The following USP54 variants were observed in gnomAD, a reference collection of about 807,000 sequenced individuals.
USP54 encodes the protein ubiquitin carboxyl-terminal hydrolase 54.
Under a neutral mutation model 170.5 loss-of-function variants are expected in USP54, and 87 were observed. That is an observed-to-expected ratio of 0.51 (90% CI 0.43 to 0.61). The LOEUF (loss-of-function observed/expected upper bound fraction) is 0.61, where lower values mean the gene tolerates loss of function less well. USP54 is among the 20% of genes least tolerant of loss of function. The pLI is 0.00. For synonymous variants in USP54, 655 were observed against 742.8 expected, an observed-to-expected ratio of 0.88 and a Z score of 1.92; for missense variants, 1,786 against 2,047.8, an observed-to-expected ratio of 0.87 and a Z score of 2.47.
chr10:73,498,616 A>C lies in USP54; in HGVS notation c.*13T>G. 1.3e-6 allele frequency: 2 copies of C among 1,512,492 alleles called. No homozygotes were observed. The highest frequency in any genetic ancestry group is 1.8e-6 in the Non-Finnish European group (2 of 1,129,516). 93.7% of individuals were successfully genotyped at this position (1,512,492 alleles called of 1,614,324 possible). A position where few individuals can be genotyped will look rare whatever the true frequency, so the allele number is the denominator to read the frequency against. The stretch of plus-strand genomic sequence containing the variant: ...AAGAAAGGTGTAGCTCCAGGAAAGG[A>C]AAGGAATAACCTTTACCATTGACTG... On this transcript the variant is annotated 3_prime_UTR_variant, in exon 24 of 24. Coordinates refer to ENST00000687698, the MANE Select transcript of USP54 (RefSeq NM_001391956.1).
chr10:73,516,347 T>G, intron 20 of USP54, 28 bp downstream of exon 20: 11 of 1,517,304 alleles, frequency 7.2e-6, no homozygotes, highest in African/African-American at 1.4e-5. Context: ...TCCTCCCCCC[T>G]CCCCCCAACC....
intron 4 of USP54, among the ~76,000 whole-genome samples, chr10:73,547,240 A>G (rs2068040206): frequency 6.6e-6 from 1 of 152,130 alleles, no homozygotes; most frequent in Non-Finnish European, 1.5e-5. Context: ...CGTCTCTACT[A>G]AAAATACAAA....
rs1458879640 is a variant in USP54 at position 73,571,453 on chromosome 10, T to C, written c.208A>G (p.Met70Val). The change falls in exon 4 of 24, where the codon ATG becomes GTG. Residue 70 changes from methionine (M) to valine (V), a missense_variant. This residue lies in a region of USP54 where 361 missense variants were observed against 455.0 expected (regional missense o/e 0.79). Transcript: ENST00000687698. Reference sequence around the variant, plus strand: ...GCGCAAAAGATGCAGGAATCTCCCATGCACTTGTGAGTTGTAAGCTGCCTA... The same window carrying C: ...GCGCAAAAGATGCAGGAATCTCCCACGCACTTGTGAGTTGTAAGCTGCCTA... ...SFRQLTTHKC[M>V]GDSCIFCALK... The C allele has an allele frequency of 6.8e-6, 11 of 1,613,918 alleles. No individual in the cohort carries two copies. Among genetic ancestry groups the C allele is most frequent in the East Asian group, 2.2e-5 (1 of 44,880 alleles).
chr10:73,600,270 C>T (rs1474384966), intron 1 of USP54, among the ~76,000 whole-genome samples: 1 of 152,056 alleles, frequency 6.6e-6, no homozygotes, highest in Non-Finnish European at 1.5e-5. Context: ...AAAATTTTCT[C>T]TGCTAAAAAT....
chr10:73,607,897 G>C (rs1422790070), intron 1 of USP54, among the ~76,000 whole-genome samples: 1 of 151,590 alleles, frequency 6.6e-6, no homozygotes, highest in East Asian at 1.9e-4. Flanking sequence ...TAATTGAGTA[G>C]TAAGGATTAA....
At chr10:73,504,627 C>T (rs1398691967) in intron 22 of USP54, 6 of 603,446 alleles carry the variant, frequency 9.9e-6, no homozygotes, top group African/African-American at 3.7e-5. Flanking sequence ...AACCCTACAA[C>T]ACGCACGGCC....
chr10:73,533,543 C>A lies in USP54; in HGVS notation c.1315+1057G>T, dbSNP rs1304799617. On this transcript the variant is annotated intron_variant, in intron 12 of 23. Coordinates refer to ENST00000687698, the MANE Select transcript of USP54 (RefSeq NM_001391956.1). The stretch of plus-strand genomic sequence containing the variant: ...TACAGTTTTGAATATCTTTGAAATT[C>A]TTGATATTTAAAAAAAAAAAAAGCC... Among the ~76,000 whole-genome samples, 3 of 149,512 alleles carry A rather than the reference C, an allele frequency of 2.0e-5. No homozygotes were observed. The Admixed American group carries it at 2.0e-4, about 10-fold the overall frequency.
Position 73,516,852 on chromosome 10 carries a change from C to T in USP54, c.3574G>A (p.Gly1192Ser), listed in dbSNP as rs955240931. 19 of 1,614,136 alleles carry T rather than the reference C, an allele frequency of 1.2e-5. 1 individual carries two copies. Among genetic ancestry groups the T allele is most frequent in the Non-Finnish European group, 5.9e-6 (7 of 1,180,058 alleles). Residue 1192 changes from glycine to serine, a missense_variant, in exon 20 of 24, where the codon GGT (glycine) becomes AGT (serine). This residue lies in a region of USP54 where 1,418 missense variants were observed against 1,569.0 expected (regional missense o/e 0.90). Transcript: ENST00000687698. ...TCCCAGGAAAGTGGTCTATCCCCACCCTCCAGAGAGGATTGTTGCTTTGCC... is the reference window on the plus strand; with the variant it reads ...TCCCAGGAAAGTGGTCTATCCCCACTCTCCAGAGAGGATTGTTGCTTTGCC... ...PWAKQQSSLE[G>S]GDRPLSWEES...
chr10:73,557,325 A>ATT (rs772475380), intron 4 of USP54, among the ~76,000 whole-genome samples: 19 of 145,390 alleles, frequency 1.3e-4, no homozygotes, highest in South Asian at 2.2e-4. Flanking sequence ...AACTTCTTCA[A>ATT]TTTTTTTTTT....
chr10:73,516,635 A>C lies in USP54; in HGVS notation c.3791T>G (p.Val1264Gly). Residue 1264 changes from valine to glycine, a missense_variant, in exon 20 of 24, where the codon GTG becomes GGG. Val to Gly is a moderately radical substitution (Grantham distance 109). Transcript: ENST00000687698. ...AGAATCACAGAACCTTGTGATATTCACCCAGGAATCCAAAGGCAAGGAAGT... is the reference window on the plus strand; with the variant it reads ...AGAATCACAGAACCTTGTGATATTCCCCCAGGAATCCAAAGGCAAGGAAGT... ...LGTSLPLDSW[V>G]NITRFCDSQL... is the part of the protein sequence containing the mutation. 1.2e-6 allele frequency: 2 copies of C among 1,614,166 alleles called. No individual in the cohort carries two copies. The highest frequency in any genetic ancestry group is 1.7e-6 in the Non-Finnish European group (2 of 1,180,040).
In USP54 at chr10:73,507,907, C is replaced by T. The variant is rs1416370340; in HGVS notation, c.4052-2481G>A. 3.3e-5 allele frequency among the ~76,000 whole-genome samples: 5 copies of T among 152,084 alleles called. No homozygotes were observed. The East Asian group carries it at 7.7e-4, about 24-fold the overall frequency. On this transcript the variant is annotated intron_variant, in intron 20 of 23. Coordinates refer to ENST00000687698, the MANE Select transcript of USP54 (RefSeq NM_001391956.1). Reference sequence around the variant, plus strand: ...TCGGAAGGCTGAGGCAGGAGGGTCACGTGAACCTGGAAGGTGGAAGCTGCA... The same window carrying T: ...TCGGAAGGCTGAGGCAGGAGGGTCATGTGAACCTGGAAGGTGGAAGCTGCA...
intron 4 of USP54, among the ~76,000 whole-genome samples, chr10:73,553,656 G>C (rs936418959): frequency 1.4e-4 from 21 of 152,192 alleles, no homozygotes; most frequent in Admixed American, 7.9e-4. Context: ...TTCTATGACA[G>C]GCAGAGAGAA....
At chr10:73,544,693 T>C (rs922313094) in intron 5 of USP54, among the ~76,000 whole-genome samples, 2 of 152,080 alleles carry the variant, frequency 1.3e-5, no homozygotes, top group Admixed American at 6.6e-5. Context: ...GAGATATGTA[T>C]CACTCTCAAA....
chr10:73,525,197 A>G (rs2062645416), intron 16 of USP54, among the ~76,000 whole-genome samples: 1 of 152,200 alleles, frequency 6.6e-6, no homozygotes, highest in Non-Finnish European at 1.5e-5. Context: ...AAAGATATAT[A>G]CCGCAATGGT....
chr10:73,545,702 A>G (rs1437423816), intron 4 of USP54, 30 bp from the exon 5 acceptor site: 4 of 1,607,460 alleles, frequency 2.5e-6, no homozygotes, highest in Non-Finnish European at 3.4e-6. Flanking sequence ...CAAGAGAAAA[A>G]GTACAATGCT....
At position 73,499,198 on chromosome 10, in the gene USP54, G is replaced by A. The variant is rs1589742426; in HGVS notation, c.4496-10C>T. The stretch of plus-strand genomic sequence containing the variant: ...ACACTCCTTGAAGTTCCTGGGGAAA[G>A]AAAAGAAACCCAAAGACTGAGCATC... On this transcript the variant is annotated splice_polypyrimidine_tract_variant and intron_variant, in intron 23 of 23. Transcript: ENST00000687698. 1 of 1,580,878 alleles carries A rather than the reference G, an allele frequency of 6.3e-7. No individual in the cohort carries two copies. The highest frequency in any genetic ancestry group is 1.2e-5 in the South Asian group (1 of 85,498).
chr10:73,581,328 A>G (rs2076880169), intron 1 of USP54, among the ~76,000 whole-genome samples: 1 of 152,240 alleles, frequency 6.6e-6, no homozygotes, highest in South Asian at 2.1e-4. Context: ...ACAGTTACTA[A>G]GTTATATGTC....
At chr10:73,529,645 A>C in intron 15 of USP54, 35 bp downstream of exon 15, 10 of 1,609,994 alleles carry the variant, frequency 6.2e-6, no homozygotes, top group Non-Finnish European at 8.5e-6. Context: ...CATTGCTGCA[A>C]GAGACAATGT....
At chr10:73,613,318 G>C (rs1026952991) in intron 1 of USP54, among the ~76,000 whole-genome samples, 4 of 151,306 alleles carry the variant, frequency 2.6e-5, no homozygotes, top group Non-Finnish European at 5.9e-5. Context: ...TTTTAGTCAA[G>C]ATGGGGTTTC....
Sources: allele counts gnomAD v4.1 joint callset (sites outside exome capture counted in the v4.1 genomes callset), GRCh38; gene constraint gnomAD v4.1.1; regional missense constraint gnomAD v4.1.1; transcripts MANE v1.5; gene names NCBI Gene and HGNC (gene_info 2026-07-23, HGNC 2026-07-21).